The following ADNP2 variants were observed in gnomAD, a reference collection of about 807,000 sequenced individuals.
ADNP2 encodes the protein activity-dependent neuroprotector homeobox protein 2.
A neutral mutation model predicts 16.4 loss-of-function variants in ADNP2; 8 were observed. The observed-to-expected ratio is 0.49, with a 90% CI of 0.29 to 0.88. The LOEUF (loss-of-function observed/expected upper bound fraction) is 0.88, where lower values mean the gene tolerates loss of function less well. Among genes scored for constraint, ADNP2 ranks in the 40% least tolerant of loss-of-function variants. ADNP2 has a pLI of 0.09. For synonymous variants in ADNP2, 637 were observed against 545.8 expected, an observed-to-expected ratio of 1.17 and a Z score of -2.33; for missense variants, 1,397 against 1,395.1, an observed-to-expected ratio of 1.00 and a Z score of -0.02.
intron 2 of ADNP2, 55 bp from the exon 3 acceptor site, chr18:80,133,048 T>C: frequency 8.0e-7 from 1 of 1,257,086 alleles, no homozygotes. Flanking sequence ...TCTAATTAAA[T>C]ATTTCTTTAT....
intron 2 of ADNP2, among the ~76,000 whole-genome samples, chr18:80,125,704 G>A (rs2052454129): frequency 6.6e-6 from 1 of 151,988 alleles, no homozygotes; most frequent in African/African-American, 2.4e-5. Context: ...TCAGGTACTC[G>A]GGAGGCTGAG....
Position 80,139,021 on chromosome 18 carries a change from A to G in ADNP2, c.*212A>G. 1 of 419,702 alleles carries G rather than the reference A, an allele frequency of 2.4e-6. No homozygotes were observed. 26.0% of individuals were successfully genotyped at this position (419,702 alleles called of 1,614,324 possible). The stretch of plus-strand genomic sequence containing the variant: ...TGTTTCCTGCAGTTTGATTTGTAAC[A>G]GAACAGTTGTTTTCAGGTTTTTTTC... On this transcript the variant is annotated 3_prime_UTR_variant, in exon 4 of 4. Transcript: ENST00000262198.
intron 1 of ADNP2, among the ~76,000 whole-genome samples, chr18:80,116,194 T>C (rs1052551232): frequency 6.6e-6 from 1 of 152,372 alleles, no homozygotes; most frequent in Admixed American, 6.5e-5. Flanking sequence ...TTGTAGCATG[T>C]ATGTATTTCA....
intron 2 of ADNP2, among the ~76,000 whole-genome samples, chr18:80,128,280 C>T (rs111405561): frequency 2.0e-5 from 3 of 152,214 alleles, no homozygotes; most frequent in Non-Finnish European, 4.4e-5. Context: ...TTGTTGGAAT[C>T]AGAATAAAGG....
chr18:80,128,169 CTTAGA>C (rs2052472740), intron 2 of ADNP2, among the ~76,000 whole-genome samples: 1 of 152,166 alleles, frequency 6.6e-6, no homozygotes, highest in Non-Finnish European at 1.5e-5. Flanking sequence ...TTTAATTGGG[CTTAGA>C]TTCTTGTGTG....
intron 2 of ADNP2, among the ~76,000 whole-genome samples, chr18:80,123,443 C>G (rs2052437955): frequency 6.6e-6 from 1 of 152,034 alleles, no homozygotes; most frequent in Non-Finnish European, 1.5e-5. Flanking sequence ...GCAATCTTGG[C>G]TCACCGCAAC....
chr18:80,137,674 G>A lies in ADNP2; in HGVS notation c.2261G>A (p.Cys754Tyr). 1 of 1,614,214 alleles carries A rather than the reference G, an allele frequency of 6.2e-7. No homozygotes were observed. The highest frequency in any genetic ancestry group is 8.5e-7 in the Non-Finnish European group (1 of 1,180,026). ...EKTVRCLSCK[C>Y]LVSEEELIHH... ...ACGGTGCGATGTCTGTCTTGTAAGT[G>A]CTTGGTCTCTGAGGAAGAGCTTATA... Residue 754 changes from cysteine to tyrosine, a missense_variant, in exon 4 of 4, where the codon TGC becomes TAC. By Grantham distance (194) the Cys-to-Tyr change is radical. Coordinates refer to ENST00000262198, the MANE Select transcript of ADNP2 (RefSeq NM_014913.4). This position sits in a 1 kb window ranked among gnomAD's most constrained non-coding sequence, Gnocchi z 4.2.
In ADNP2 at chr18:80,138,413, A is replaced by T; in HGVS notation, c.3000A>T (p.Leu1000=). 6.2e-7 allele frequency: 1 copy of T among 1,614,062 alleles called. No homozygotes were observed. Among genetic ancestry groups the T allele is most frequent in the African/African-American group, 1.3e-5 (1 of 75,062 alleles). ...QRHGEEQPPI[L]NADAAPGPEK... is the part of the protein sequence containing the mutation. ...ATGGGGAGGAGCAGCCTCCCATCCT[A>T]AATGCCGATGCAGCCCCGGGTCCAG... Residue 1000 remains leucine (L), a synonymous_variant, in exon 4 of 4, where the codon CTA becomes CTT. Transcript: ENST00000262198.
In ADNP2 at chr18:80,110,502, G is replaced by C. The variant is rs553711389; in HGVS notation, c.-14+1030G>C. On this transcript the variant is annotated intron_variant, in intron 1 of 3. Transcript: ENST00000262198. Reference sequence around the variant, plus strand: ...GGGGCAGCAGTTTGTAGAGTACTGTGGGCATCTGCCACGCAGAGCCTTTAT... The same window carrying C: ...GGGGCAGCAGTTTGTAGAGTACTGTCGGCATCTGCCACGCAGAGCCTTTAT... 2.4e-4 allele frequency among the ~76,000 whole-genome samples: 36 copies of C among 152,202 alleles called. No homozygotes were observed. The South Asian group carries it at 7.5e-3, about 32-fold the overall frequency.
chr18:80,138,307 G>A lies in ADNP2; in HGVS notation c.2894G>A (p.Ser965Asn), dbSNP rs749656909. ...CACAACAGTGAACTGCTTTTAGTCA[G>A]TGGTGAAGTGATGCATGATTCCAGT... ...FIHNSELLLV[S>N]GEVMHDSSFS... Residue 965 changes from serine to asparagine, a missense_variant, in exon 4 of 4, where the codon AGT (serine) becomes AAT (asparagine). Physicochemically the swap from Ser to Asn is conservative, Grantham distance 46. Around this residue, in one of 3 missense-constraint regions of ADNP2, gnomAD observed 611 missense variants for 648.7 expected, o/e 0.94. Coordinates refer to ENST00000262198, the MANE Select transcript of ADNP2 (RefSeq NM_014913.4). 6.2e-7 allele frequency: 1 copy of A among 1,614,166 alleles called. No individual in the cohort carries two copies. The highest frequency in any genetic ancestry group is 2.2e-5 in the East Asian group (1 of 44,890).
At chr18:80,110,069 C>G (rs2052347968) in intron 1 of ADNP2, 1 of 152,032 alleles carries the variant, frequency 6.6e-6, no homozygotes, top group Non-Finnish European at 1.5e-5. Flanking sequence ...TTTTTTTTCC[C>G]TAGAAAGGTT....
At chr18:80,121,803 A>G (rs754845514) in intron 2 of ADNP2, among the ~76,000 whole-genome samples, 92 of 152,132 alleles carry the variant, frequency 6.0e-4, no homozygotes, top group Non-Finnish European at 1.2e-3. Flanking sequence ...TTTGTTCCCT[A>G]TTGAATGGAC....
At position 80,138,014 on chromosome 18, in the gene ADNP2, C is replaced by A. The variant is rs767166846; in HGVS notation, c.2601C>A (p.Pro867=). ...VKVRPQAEGT[P]GSTGKRVSTC... is the part of the protein sequence containing the mutation. ...TGAGGCCTCAGGCTGAGGGCACCCC[C>A]GGGAGCACCGGCAAGCGAGTGTCCA... is the stretch of plus-strand genomic sequence containing the variant. Residue 867 remains proline (P), a synonymous_variant, in exon 4 of 4, where the codon CCC becomes CCA. Coordinates refer to ENST00000262198, the MANE Select transcript of ADNP2 (RefSeq NM_014913.4). 9.3e-6 allele frequency: 15 copies of A among 1,613,386 alleles called. No homozygotes were observed. The highest frequency in any genetic ancestry group is 1.7e-5 in the Admixed American group (1 of 59,982).
chr18:80,123,496 G>A (rs540046212), intron 2 of ADNP2, among the ~76,000 whole-genome samples: 21 of 151,574 alleles, frequency 1.4e-4, no homozygotes, highest in Admixed American at 4.6e-4. Context: ...TCAGCCTCCC[G>A]AGTAGCTGAG....
chr18:80,117,767 G>A, intron 2 of ADNP2, 117 bp downstream of exon 2: 1 of 716,272 alleles, frequency 1.4e-6, no homozygotes, highest in Non-Finnish European at 2.3e-6. Context: ...ATGGCTGTGT[G>A]AAAGCCTCAT....
rs920378073 is a variant in ADNP2, at chr18:80,138,943, A to G, written c.*134A>G. The stretch of plus-strand genomic sequence containing the variant: ...CTGTGCTGCTCTGCAGAGTTACTTC[A>G]GGTGCTGGAGAGACCCCTGTTACCA... On this transcript the variant is annotated 3_prime_UTR_variant, in exon 4 of 4. Transcript: ENST00000262198. The G allele has an allele frequency of 1.3e-6, 1 of 774,754 alleles. No individual in the cohort carries two copies. Among genetic ancestry groups the G allele is most frequent in the African/African-American group, 1.8e-5 (1 of 55,234 alleles). The allele number at this position is 774,754 out of a possible 1,614,324, so 48.0% of individuals were successfully genotyped here.
chr18:80,118,125 A>G (rs2052400819), intron 2 of ADNP2, among the ~76,000 whole-genome samples: 1 of 152,140 alleles, frequency 6.6e-6, no homozygotes, highest in Non-Finnish European at 1.5e-5. Flanking sequence ...ATGTTAAATA[A>G]AAGTTGTTGT....
At chr18:80,131,562 G>A (rs2145208652) in intron 2 of ADNP2, among the ~76,000 whole-genome samples, 1 of 121,598 alleles carries the variant, frequency 8.2e-6, no homozygotes, top group South Asian at 2.6e-4. Context: ...TGTTCAAGAT[G>A]AAGATTCTTT....
chr18:80,132,356 T>G (rs1223740300), intron 2 of ADNP2, among the ~76,000 whole-genome samples: 4 of 152,200 alleles, frequency 2.6e-5, no homozygotes, highest in Non-Finnish European at 5.9e-5. Context: ...ACTTGTTTTC[T>G]TGTCACTGTT....
Sources: allele counts gnomAD v4.1 joint callset (sites outside exome capture counted in the v4.1 genomes callset), GRCh38; gene constraint gnomAD v4.1.1; regional missense constraint gnomAD v4.1.1; non-coding constraint Gnocchi (gnomAD v3.1); transcripts MANE v1.5; gene names NCBI Gene and HGNC (gene_info 2026-07-23, HGNC 2026-07-21).